The following ABCD2 variants were observed in gnomAD, a reference collection of about 807,000 sequenced individuals.
ABCD2 encodes the protein ATP binding cassette subfamily D member 2.
In ABCD2, 36 loss-of-function variants were observed where a neutral mutation model predicts 70.9. That is an observed-to-expected ratio of 0.51 (90% CI 0.39 to 0.67). ABCD2 has a LOEUF of 0.67. Ranked by LOEUF, ABCD2 falls within the 30% of genes least tolerant of loss-of-function variation. The pLI, the probability that ABCD2 is intolerant of heterozygous loss-of-function variation, is 0.00. For synonymous variants in ABCD2, 304 were observed against 306.9 expected (o/e 0.99, Z 0.10); for missense variants, 729 against 890.2 (o/e 0.82, Z 2.30).
intron 6 of ABCD2, among the ~76,000 whole-genome samples, chr12:39,595,357 C>T (rs1204040118): frequency 1.3e-5 from 2 of 152,004 alleles, no homozygotes; most frequent in Admixed American, 6.6e-5. Flanking sequence ...TTCCATATAA[C>T]GCTAAGTAAA....
chr12:39,574,873 A>G (rs2120598673), intron 8 of ABCD2, among the ~76,000 whole-genome samples: 1 of 152,310 alleles, frequency 6.6e-6, no homozygotes, highest in African/African-American at 2.4e-5. Context: ...AATAGAATCC[A>G]GTTACCTACC....
intron 7 of ABCD2, among the ~76,000 whole-genome samples, chr12:39,583,240 T>C (rs1467173284): frequency 2.0e-5 from 3 of 152,168 alleles, no homozygotes; most frequent in Non-Finnish European, 2.9e-5. Context: ...AAAAAACTTA[T>C]AAGGTAGATA....
intron 6 of ABCD2, among the ~76,000 whole-genome samples, chr12:39,599,975 C>G (rs1185476116): frequency 6.6e-6 from 1 of 152,116 alleles, no homozygotes; most frequent in Non-Finnish European, 1.5e-5. Flanking sequence ...TAGTGTATAA[C>G]TTTGAATTTT....
At chr12:39,587,374 G>T (rs1407805352) in intron 6 of ABCD2, among the ~76,000 whole-genome samples, 1 of 152,032 alleles carries the variant, frequency 6.6e-6, no homozygotes, top group Non-Finnish European at 1.5e-5. Flanking sequence ...CTTTATTGTC[G>T]AGGGCTACCC....
chr12:39,619,519 G>A lies in ABCD2; in HGVS notation c.97C>T (p.Leu33=), dbSNP rs766682804. The change falls in exon 1 of 10, where the codon CTG becomes TTG. Residue 33 remains leucine, a synonymous_variant. Transcript: ENST00000308666. ...CCAATGATGGGATAGAGGGTTTTCA[G>A]AGCATATGCCGCAGCCACCAGGCAG... ...AACLVAAAYA[L]KTLYPIIGKR... is the part of the protein sequence containing the mutation. The A allele has an allele frequency of 6.2e-7, 1 of 1,612,254 alleles. No homozygotes were observed. Among genetic ancestry groups the A allele is most frequent in the Admixed American group, 1.7e-5 (1 of 60,022 alleles).
At chr12:39,545,504 A>G (rs1000089759), downstream of ABCD2, among the ~76,000 whole-genome samples, 7 of 152,140 alleles carry the variant, frequency 4.6e-5, no homozygotes, top group African/African-American at 1.7e-4. Flanking sequence ...CAGCAGGGAG[A>G]TAACAGAGGC....
the ABCD2 span, among the ~76,000 whole-genome samples, chr12:39,541,361 T>A: frequency 6.6e-6 from 1 of 151,892 alleles, no homozygotes; most frequent in African/African-American, 2.4e-5. Context: ...AAGAAAAAAA[T>A]GAGTAAAGTC....
chr12:39,614,858 T>A (rs186945849), intron 2 of ABCD2, among the ~76,000 whole-genome samples: 1 of 152,070 alleles, frequency 6.6e-6, no homozygotes, highest in Non-Finnish European at 1.5e-5. Flanking sequence ...TTGAAGAACA[T>A]TCTCAATTAA....
chr12:39,538,708 C>T, the ABCD2 span, among the ~76,000 whole-genome samples: 2 of 152,140 alleles, frequency 1.3e-5, no homozygotes, highest in Admixed American at 6.5e-5. Flanking sequence ...CTCCTCCCTT[C>T]GCAGACCCAG....
In ABCD2 at chr12:39,554,275, G is replaced by C. The variant is rs143706334; in HGVS notation, c.2004-144C>G. On this transcript the variant is annotated intron_variant, in intron 9 of 9. Coordinates refer to ENST00000308666, the MANE Select transcript of ABCD2 (RefSeq NM_005164.4). ...TTGAGTTTTAAGGACATATCAAAAA[G>C]TTAAATACTGTGATTTTTTTAAAAC... 1.7e-3 allele frequency: 1,190 copies of C among 692,372 alleles called. 12 individuals are homozygous for C. In the African/African-American group the frequency reaches 0.019, roughly 11 times the overall value. The allele number at this position is 692,372 out of a possible 1,614,324, so 42.9% of individuals were successfully genotyped here.
At chr12:39,604,182 C>A (rs1941939518) in intron 4 of ABCD2, among the ~76,000 whole-genome samples, 176 bp from the exon 5 acceptor site, 1 of 151,944 alleles carries the variant, frequency 6.6e-6, no homozygotes, top group African/African-American at 2.4e-5. Context: ...TAATGTAATG[C>A]AAATTTGTAC....
intron 6 of ABCD2, among the ~76,000 whole-genome samples, chr12:39,594,935 C>T (rs1295634192): frequency 1.3e-5 from 2 of 151,954 alleles, no homozygotes; most frequent in Non-Finnish European, 2.9e-5. Flanking sequence ...GTAGGAAAAC[C>T]CTGTCAATAC....
intron 9 of ABCD2, among the ~76,000 whole-genome samples, chr12:39,572,698 TG>T (rs1941464351): frequency 6.6e-6 from 1 of 152,160 alleles, no homozygotes; most frequent in South Asian, 2.1e-4. Flanking sequence ...CAATAATGCT[TG>T]CTACTAGGCT....
At chr12:39,616,924 C>T in intron 2 of ABCD2, 64 bp downstream of exon 2, 4 of 1,422,006 alleles carry the variant, frequency 2.8e-6, no homozygotes, top group Non-Finnish European at 3.8e-6. Context: ...ATAAAACTAG[C>T]AATGACAACT....
intron 9 of ABCD2, among the ~76,000 whole-genome samples, chr12:39,568,658 C>T (rs1011994183): frequency 6.6e-5 from 10 of 152,166 alleles, no homozygotes; most frequent in African/African-American, 1.7e-4. Flanking sequence ...AGCTTTGTTC[C>T]GTTGCTGGTG....
intron 3 of ABCD2, among the ~76,000 whole-genome samples, chr12:39,606,139 G>C (rs1439269187): frequency 6.6e-6 from 1 of 152,154 alleles, no homozygotes; most frequent in Non-Finnish European, 1.5e-5. Flanking sequence ...ACCACAAGTA[G>C]AGGTCAATTC....
intron 6 of ABCD2, among the ~76,000 whole-genome samples, chr12:39,597,061 G>T (rs1941825948): frequency 6.6e-6 from 1 of 152,044 alleles, no homozygotes; most frequent in Non-Finnish European, 1.5e-5. Context: ...TGAATCCAAG[G>T]TTGTGGAAGC....
In ABCD2 at chr12:39,553,027, T is replaced by C. The variant is rs1941110333; in HGVS notation, c.*885A>G. On this transcript the variant is annotated 3_prime_UTR_variant, in exon 10 of 10. Transcript: ENST00000308666. The stretch of plus-strand genomic sequence containing the variant: ...GGGGATTGTAAATTATAAAGTACTA[T>C]TCCAATGTATGTTATTACTATGATT... 6.6e-6 allele frequency: 1 copy of C among 152,032 alleles called. No homozygotes were observed. Among genetic ancestry groups the C allele is most frequent in the Non-Finnish European group, 1.5e-5 (1 of 67,898 alleles). 9.4% of individuals were successfully genotyped at this position (152,032 alleles called of 1,614,324 possible). A position where few individuals can be genotyped will look rare whatever the true frequency, so the allele number is the denominator to read the frequency against.
At chr12:39,537,217 A>C in the ABCD2 span, among the ~76,000 whole-genome samples, 1 of 152,196 alleles carries the variant, frequency 6.6e-6, no homozygotes, top group South Asian at 2.1e-4. Flanking sequence ...TAGACACCTA[A>C]AATTAAACTT....
Sources: gnomAD v4.1 joint callset for allele counts (sites outside exome capture counted in the v4.1 genomes callset) on GRCh38, gnomAD v4.1.1 for gene constraint, MANE v1.5 for transcripts, NCBI Gene and HGNC (gene_info 2026-07-23, HGNC 2026-07-21) for gene names.